Variants in DOCK3 observed in about 807,000 individuals in gnomAD.
DOCK3 encodes dedicator of cytokinesis 3, also known as dedicator of cytokinesis protein 3.
A neutral mutation model predicts 265.6 loss-of-function variants in DOCK3; 60 were observed. The observed-to-expected ratio is 0.23, with a 90% CI of 0.18 to 0.28. The LOEUF is 0.28. Ranked by LOEUF, DOCK3 falls within the 10% of genes least tolerant of loss-of-function variation. The pLI is 1.00. For synonymous variants in DOCK3, 881 were observed against 938.0 expected, an observed-to-expected ratio of 0.94 and a Z score of 1.11; for missense variants, 1,981 against 2,594.3, an observed-to-expected ratio of 0.76 and a Z score of 5.14.
intron 27 of DOCK3, among the ~76,000 whole-genome samples, chr3:51,307,195 C>G (rs942149840): frequency 4.6e-5 from 7 of 152,262 alleles, no homozygotes; most frequent in Middle Eastern, 3.4e-3. Flanking sequence ...TCAGAGCTCA[C>G]TACAACCTTG....
At chr3:51,202,951 T>G (rs532097148) in intron 12 of DOCK3, among the ~76,000 whole-genome samples, 2 of 152,254 alleles carry the variant, frequency 1.3e-5, no homozygotes, top group African/African-American at 4.8e-5. Flanking sequence ...GAAAAGTCCT[T>G]TGACAAAATT....
chr3:50,711,265 T>G (rs1576190560), intron 1 of DOCK3, among the ~76,000 whole-genome samples: 1 of 102,340 alleles, frequency 9.8e-6, no homozygotes, highest in African/African-American at 3.4e-5. Flanking sequence ...TGCTTAGTCC[T>G]TTTTTTTTTT....
intron 22 of DOCK3, among the ~76,000 whole-genome samples, chr3:51,253,654 A>G (rs896650258): frequency 6.6e-6 from 1 of 152,196 alleles, no homozygotes; most frequent in African/African-American, 2.4e-5. Context: ...ATTTGCGTAG[A>G]GGTGCTTCTG....
intron 4 of DOCK3, among the ~76,000 whole-genome samples, chr3:50,903,012 A>T (rs750667401): frequency 6.6e-6 from 1 of 152,174 alleles, no homozygotes; most frequent in Non-Finnish European, 1.5e-5. Context: ...TGATTTTTGC[A>T]CTATTGACTT....
At chr3:50,903,529 G>C (rs552112758) in intron 4 of DOCK3, among the ~76,000 whole-genome samples, 1 of 152,282 alleles carries the variant, frequency 6.6e-6, no homozygotes, top group South Asian at 2.1e-4. Flanking sequence ...CTTGATCATA[G>C]TGGATAAGCT....
In DOCK3 at chr3:50,916,749, C is replaced by T. The variant is rs536378005; in HGVS notation, c.219-17232C>T. On this transcript the variant is annotated intron_variant, in intron 4 of 52. Transcript: ENST00000266037. Reference sequence around the variant, plus strand: ...GTGTGAACCCGGTAGGGGGAGCTTACAGTGAGCCGAGATTGCGCCACTACA... The same window carrying T: ...GTGTGAACCCGGTAGGGGGAGCTTATAGTGAGCCGAGATTGCGCCACTACA... 2.0e-5 allele frequency among the ~76,000 whole-genome samples: 3 copies of T among 150,294 alleles called. No individual in the cohort carries two copies. In the South Asian group the frequency reaches 6.3e-4, roughly 31 times the overall value.
At chr3:51,367,362 T>C (rs2087275870) in intron 49 of DOCK3, among the ~76,000 whole-genome samples, 1 of 152,222 alleles carries the variant, frequency 6.6e-6, no homozygotes, top group South Asian at 2.1e-4. Context: ...CCTCCATCCC[T>C]TTCTTTTGAG....
At chr3:51,099,182 C>CA (rs1206394006) in intron 9 of DOCK3, among the ~76,000 whole-genome samples, 1 of 152,196 alleles carries the variant, frequency 6.6e-6, no homozygotes, top group Admixed American at 6.5e-5. Context: ...CATGCTTCTA[C>CA]ATATATGCCC....
At chr3:51,069,808 C>T (rs1471531438) in intron 6 of DOCK3, among the ~76,000 whole-genome samples, 1 of 152,186 alleles carries the variant, frequency 6.6e-6, no homozygotes, top group Non-Finnish European at 1.5e-5. Flanking sequence ...AAAATATCCC[C>T]CAGTGAGTTT....
At chr3:51,212,577 C>T (rs537082154) in intron 13 of DOCK3, among the ~76,000 whole-genome samples, 46 of 152,032 alleles carry the variant, frequency 3.0e-4, no homozygotes, top group Admixed American at 1.4e-3. Flanking sequence ...TTGATAGCTA[C>T]GTAAAGACAA....
At chr3:51,144,403 T>G (rs1285660053) in intron 9 of DOCK3, among the ~76,000 whole-genome samples, 1 of 152,224 alleles carries the variant, frequency 6.6e-6, no homozygotes, top group African/African-American at 2.4e-5. Flanking sequence ...GTCTTGGACC[T>G]TGTTGACCCC....
chr3:50,907,410 G>A (rs2049581299), intron 4 of DOCK3, among the ~76,000 whole-genome samples: 1 of 152,074 alleles, frequency 6.6e-6, no homozygotes, highest in African/African-American at 2.4e-5. Context: ...AGGTCTCTAA[G>A]GACTTGCTTT....
rs144437240 is a variant in DOCK3 at position 50,938,761 on chromosome 3, G to A, written c.315+4684G>A. 1.4e-3 allele frequency among the ~76,000 whole-genome samples: 216 copies of A among 151,790 alleles called. 1 individual carries two copies. Among genetic ancestry groups the A allele is most frequent in the Non-Finnish European group, 2.1e-3 (141 of 67,848 alleles). On this transcript the variant is annotated intron_variant, in intron 5 of 52. Coordinates refer to ENST00000266037, the MANE Select transcript of DOCK3 (RefSeq NM_004947.5). ...GATACTGCAAAAGCATTGTTGAAAG[G>A]GAAATGTATGCTTTAAGTCCTAATA...
At chr3:50,766,201 C>T (rs976228307) in intron 1 of DOCK3, among the ~76,000 whole-genome samples, 4 of 151,790 alleles carry the variant, frequency 2.6e-5, no homozygotes, top group Non-Finnish European at 5.9e-5. Context: ...TATACATGTG[C>T]CATGTTGGTG....
intron 12 of DOCK3, among the ~76,000 whole-genome samples, chr3:51,164,786 C>T (rs2086305384): frequency 6.6e-6 from 1 of 152,082 alleles, no homozygotes; most frequent in Non-Finnish European, 1.5e-5. Context: ...AGGTGGCAAC[C>T]TCTTCTGTGA....
chr3:51,206,833 T>C (rs1190956062), intron 12 of DOCK3, among the ~76,000 whole-genome samples: 1 of 152,174 alleles, frequency 6.6e-6, no homozygotes, highest in Non-Finnish European at 1.5e-5. Context: ...GAGATGATAA[T>C]GACCAAACCA....
chr3:50,715,060 T>C (rs2037014309), intron 1 of DOCK3, among the ~76,000 whole-genome samples: 1 of 152,260 alleles, frequency 6.6e-6, no homozygotes, highest in Admixed American at 6.5e-5. Context: ...CACAGCACTG[T>C]GAGCTTTGAA....
At chr3:50,729,378 T>TTATTTTTA (rs1200368423) in intron 1 of DOCK3, among the ~76,000 whole-genome samples, 5 of 147,296 alleles carry the variant, frequency 3.4e-5, no homozygotes, top group East Asian at 2.0e-4. Context: ...ATTTATTTAT[T>TTATTTTTA]TTTATTTATT....
At chr3:50,869,342 A>ATTTTTTTTTT (rs755531254) in intron 3 of DOCK3, among the ~76,000 whole-genome samples, 1,558 of 70,104 alleles carry the variant, frequency 0.022, 774 homozygotes, top group Middle Eastern at 0.057. Flanking sequence ...TCTGCTGGGA[A>ATTTTTTTTTT]TTTTTTTTTT....
Sources: gnomAD v4.1 joint callset for allele counts (sites outside exome capture counted in the v4.1 genomes callset) on GRCh38, gnomAD v4.1.1 for gene constraint, MANE v1.5 for transcripts, NCBI Gene and HGNC (gene_info 2026-07-23, HGNC 2026-07-21) for gene names.